MBTPS1: variants seen among roughly 807,000 people sequenced by gnomAD.
MBTPS1 encodes the protein membrane bound transcription factor peptidase, site 1.
A neutral mutation model predicts 127.8 loss-of-function variants in MBTPS1; 94 were observed. The ratio of observed to expected loss-of-function variants is 0.74; its 90% CI spans 0.62 to 0.87. MBTPS1 has a LOEUF of 0.87. Ranked by LOEUF, MBTPS1 falls within the 40% of genes least tolerant of loss-of-function variation. MBTPS1 has a pLI of 0.00. For missense variants in MBTPS1, 1,636 were observed against 1,353.2 expected (o/e 1.21, Z -3.28); for synonymous variants, 632 against 509.4 (o/e 1.24, Z -3.24).
rs781510269 is a variant in MBTPS1 at position 84,058,458 on chromosome 16, G to A, written c.2831+844C>T. ...GGGTACCAGGCGGCCAGGGGGCCTC[G>A]GAGGGCAAGACTCCTGCTTGATGGG... is the stretch of plus-strand genomic sequence containing the variant. On this transcript the variant is annotated intron_variant, in intron 21 of 22. Coordinates refer to ENST00000343411, the MANE Select transcript of MBTPS1 (RefSeq NM_003791.4). 1.4e-4 allele frequency among the ~76,000 whole-genome samples: 21 copies of A among 152,336 alleles called. No individual in the cohort carries two copies. In the South Asian group the frequency reaches 1.4e-3, roughly 11 times the overall value.
intron 4 of MBTPS1, 91 bp from the exon 5 acceptor site, chr16:84,093,912 C>A: frequency 1.1e-6 from 1 of 910,280 alleles, no homozygotes; most frequent in Non-Finnish European, 1.8e-6. Context: ...CTGGGACCCA[C>A]AGAAAATGAC....
chr16:84,116,570 G>A (rs2086482612), intron 1 of MBTPS1, among the ~76,000 whole-genome samples, 165 bp downstream of exon 1: 1 of 152,210 alleles, frequency 6.6e-6, no homozygotes, highest in African/African-American at 2.4e-5. Context: ...CAGGCACGCT[G>A]TGTCCAAACA....
At position 84,070,765 on chromosome 16, in the gene MBTPS1, C is replaced by T. The variant is rs2085759467; in HGVS notation, c.1605G>A (p.Gln535=). Reference sequence around the variant, plus strand: ...TGTCTCCGTTCTGTGGCAAATAGGGCTGCCAGTCAGGCTGCAGGAAAAAGA... The same window carrying T: ...TGTCTCCGTTCTGTGGCAAATAGGGTTGCCAGTCAGGCTGCAGGAAAAAGA... ...TGRIVDKPDW[Q]PYLPQNGDNI... The change falls in exon 13 of 23, where the codon CAG becomes CAA. Residue 535 remains glutamine, a synonymous_variant. Coordinates refer to ENST00000343411, the MANE Select transcript of MBTPS1 (RefSeq NM_003791.4). The T allele has an allele frequency of 6.2e-7, 1 of 1,607,632 alleles. No individual in the cohort carries two copies. Among genetic ancestry groups the T allele is most frequent in the African/African-American group, 1.3e-5 (1 of 74,626 alleles).
At chr16:84,054,754 T>A in intron 22 of MBTPS1, 109 bp from the exon 23 acceptor site, 2 of 792,166 alleles carry the variant, frequency 2.5e-6, no homozygotes, top group Non-Finnish European at 3.8e-6. Context: ...CTAATTTCAC[T>A]AGCTGGGCTT....
intron 3 of MBTPS1, 140 bp from the exon 4 acceptor site, chr16:84,095,945 T>C (rs2086174269): frequency 1.5e-6 from 1 of 648,938 alleles, no homozygotes; most frequent in Non-Finnish European, 2.7e-6. Context: ...CTTCTTTTTC[T>C]GGAAGGACAG....
Position 84,082,081 on chromosome 16 carries a change from A to G in MBTPS1, c.1287-173T>C, listed in dbSNP as rs1597327710. On this transcript the variant is annotated intron_variant, in intron 10 of 22. Transcript: ENST00000343411. ...AGAATGAGTGCACACTCATCTCTGT[A>G]CCCAATCCAGGACTGACCACTCCGC... 1.6e-5 allele frequency: 7 copies of G among 428,018 alleles called. No homozygotes were observed. The South Asian group carries it at 6.8e-4, about 42-fold the overall frequency. 26.5% of individuals were successfully genotyped at this position (428,018 alleles called of 1,614,324 possible). A position where few individuals can be genotyped will look rare whatever the true frequency, so the allele number is the denominator to read the frequency against.
chr16:84,063,968 T>A (rs1422441894), intron 18 of MBTPS1, among the ~76,000 whole-genome samples: 1 of 152,238 alleles, frequency 6.6e-6, no homozygotes, highest in Admixed American at 6.5e-5. Context: ...TATTTAGGTT[T>A]AAGACATCGG....
At chr16:84,097,370 A>G (rs969327212) in intron 3 of MBTPS1, among the ~76,000 whole-genome samples, 1 of 152,242 alleles carries the variant, frequency 6.6e-6, no homozygotes, top group African/African-American at 2.4e-5. Context: ...AGGGAGTATC[A>G]TCTCCATTTT....
Position 84,089,165 on chromosome 16 carries a change from G to T in MBTPS1, c.1032-1705C>A, listed in dbSNP as rs564504149. On this transcript the variant is annotated intron_variant, in intron 8 of 22. Transcript: ENST00000343411. ...GAAGACCTGAGAGAAACAGAAGGAGGACACTCATTCCAGGAAGGTGTACAT... is the reference window on the plus strand; with the variant it reads ...GAAGACCTGAGAGAAACAGAAGGAGTACACTCATTCCAGGAAGGTGTACAT... 3.0e-3 allele frequency among the ~76,000 whole-genome samples: 458 copies of T among 152,386 alleles called. 5 individuals are homozygous for T. The highest frequency in any genetic ancestry group is 0.011 in the African/African-American group (444 of 41,596).
intron 2 of MBTPS1, among the ~76,000 whole-genome samples, chr16:84,099,861 A>G (rs1331419094): frequency 6.6e-6 from 1 of 152,192 alleles, no homozygotes; most frequent in Non-Finnish European, 1.5e-5. Flanking sequence ...TATTTTTTTA[A>G]AAAGCAAATA....
chr16:84,061,028 G>C, intron 19 of MBTPS1: 1 of 385,540 alleles, frequency 2.6e-6, no homozygotes, highest in South Asian at 3.3e-5. Context: ...AAATGGGTCT[G>C]GCTGGTCTCA....
At chr16:84,098,353 G>C (rs544210386) in intron 3 of MBTPS1, among the ~76,000 whole-genome samples, 4 of 152,212 alleles carry the variant, frequency 2.6e-5, no homozygotes, top group African/African-American at 9.6e-5. Context: ...ACTCACGCCT[G>C]TAATCCCAGC....
chr16:84,064,149 A>T (rs920996648), intron 18 of MBTPS1, among the ~76,000 whole-genome samples: 1 of 151,876 alleles, frequency 6.6e-6, no homozygotes, highest in Non-Finnish European at 1.5e-5. Context: ...CCCTAATTCA[A>T]TTGCTTTCCT....
At position 84,100,449 on chromosome 16, in the gene MBTPS1, C is replaced by G. The variant is rs139155803; in HGVS notation, c.164-1139G>C. On this transcript the variant is annotated intron_variant, in intron 2 of 22. Coordinates refer to ENST00000343411, the MANE Select transcript of MBTPS1 (RefSeq NM_003791.4). ...ATCCCAGCTACTCGGGAGGCTGAGG[C>G]AGGAGAATCGCTTGAACCTGGGAGG... Among the ~76,000 whole-genome samples, 505 of 152,142 alleles carry G rather than the reference C, an allele frequency of 3.3e-3. 2 individuals are homozygous for G. The highest frequency in any genetic ancestry group is 0.011 in the African/African-American group (465 of 41,512).
intron 3 of MBTPS1, 68 bp downstream of exon 3, chr16:84,098,985 C>T (rs1236983495): frequency 6.9e-7 from 1 of 1,448,478 alleles, no homozygotes; most frequent in East Asian, 2.3e-5. Flanking sequence ...TATTTTTCAA[C>T]TACTCTGCAG....
At chr16:84,108,987 G>T (rs1476859466) in intron 1 of MBTPS1, among the ~76,000 whole-genome samples, 1 of 152,234 alleles carries the variant, frequency 6.6e-6, no homozygotes, top group Non-Finnish European at 1.5e-5. Flanking sequence ...TAGAAAGAAA[G>T]AAATCTAAGT....
At position 84,065,700 on chromosome 16, in the gene MBTPS1, G is replaced by C. The variant is rs772865552; in HGVS notation, c.2421C>G (p.Phe807Leu). 11 of 1,612,550 alleles carry C rather than the reference G, an allele frequency of 6.8e-6. No individual in the cohort carries two copies. Among genetic ancestry groups the C allele is most frequent in the East Asian group, 2.2e-5 (1 of 44,858 alleles). Residue 807 changes from phenylalanine (F) to leucine (L), a missense_variant, in exon 18 of 23, where the codon TTC becomes TTG. Phe to Leu is a conservative substitution (Grantham distance 22, BLOSUM62 0). Transcript: ENST00000343411. ...AATGGCATCCTTTACCTTGGTCCTT[G>C]AAAGTCTGTGTTATCACGACGCCAT... ...PEDGVVITQTFKDQGLEVLKQ... is the reference protein window; with the variant it reads ...PEDGVVITQTLKDQGLEVLKQ...
At chr16:84,054,714 C>T (rs868369133) in intron 22 of MBTPS1, 69 bp from the exon 23 acceptor site, 56 of 1,232,178 alleles carry the variant, frequency 4.5e-5, no homozygotes, top group African/African-American at 2.1e-4. Flanking sequence ...TTTTCTATGA[C>T]GGCTGGATTC....
At chr16:84,062,708 G>A (rs1205539690) in intron 19 of MBTPS1, among the ~76,000 whole-genome samples, 1 of 152,144 alleles carries the variant, frequency 6.6e-6, no homozygotes, top group African/African-American at 2.4e-5. Context: ...AATAGTCTGT[G>A]CCCAACCTCA....
Sources: gnomAD v4.1 joint callset for allele counts (sites outside exome capture counted in the v4.1 genomes callset) on GRCh38, gnomAD v4.1.1 for gene constraint, MANE v1.5 for transcripts, NCBI Gene and HGNC (gene_info 2026-07-23, HGNC 2026-07-21) for gene names.